The following NODAL variants were observed in gnomAD, a reference collection of about 807,000 sequenced individuals.
The protein encoded by NODAL is nodal growth differentiation factor, also known as nodal homolog.
NODAL carries 12 observed loss-of-function variants against 34.0 expected under a neutral mutation model. The observed-to-expected ratio is 0.35, with a 90% CI of 0.23 to 0.57. NODAL has a LOEUF of 0.57. Among genes scored for constraint, NODAL ranks in the 20% least tolerant of loss-of-function variants. The pLI is 0.83. For missense variants in NODAL, 390 were observed against 444.2 expected (o/e 0.88, Z 1.10); for synonymous variants, 162 against 186.4 (o/e 0.87, Z 1.07).
rs375984933 is a variant in NODAL, at chr10:70,440,090, C to CA, written c.193+1384dup. Among the ~76,000 whole-genome samples the CA allele has an allele frequency of 2.4e-3, 367 of 152,028 alleles. 1 individual carries two copies. Among genetic ancestry groups the CA allele is most frequent in the Non-Finnish European group, 4.5e-3 (309 of 67,942 alleles). On this transcript the variant is annotated intron_variant, in intron 1 of 2. Coordinates refer to ENST00000287139, the MANE Select transcript of NODAL (RefSeq NM_018055.5). ...CTGTTTCAAAGAAAAAACAAACAAA[C>CA]AAAAAAACAGTGTTTAGCTGAAAGA...
upstream of NODAL, among the ~76,000 whole-genome samples, chr10:70,444,342 T>G (rs993054635): frequency 7.2e-5 from 11 of 151,726 alleles, no homozygotes; most frequent in African/African-American, 2.7e-4. Flanking sequence ...TTTTTTTTTT[T>G]TTTTTGAGAC....
At chr10:70,440,791 C>T (rs1347325858) in intron 1 of NODAL, among the ~76,000 whole-genome samples, 3 of 152,214 alleles carry the variant, frequency 2.0e-5, no homozygotes, top group Non-Finnish European at 4.4e-5. Flanking sequence ...TTCCCCGGCG[C>T]GGCTGGAGGA....
chr10:70,440,539 G>C (rs1845414174), intron 1 of NODAL, among the ~76,000 whole-genome samples: 1 of 152,142 alleles, frequency 6.6e-6, no homozygotes, highest in Non-Finnish European at 1.5e-5. Context: ...GCCCCAGGGA[G>C]GGCCGTCTGG....
upstream of NODAL, among the ~76,000 whole-genome samples, chr10:70,445,156 TC>T (rs1207833576): frequency 6.6e-6 from 1 of 152,068 alleles, no homozygotes; most frequent in Non-Finnish European, 1.5e-5. Flanking sequence ...CATGCTCAGC[TC>T]AGCTCAGAGC....
At chr10:70,437,364 C>T (rs1845369620) in intron 1 of NODAL, among the ~76,000 whole-genome samples, 1 of 152,192 alleles carries the variant, frequency 6.6e-6, no homozygotes, top group Non-Finnish European at 1.5e-5. Context: ...TTGCTTGAAC[C>T]CAGGAGGTGG....
At position 70,435,285 on chromosome 10, in the gene NODAL, C is replaced by T. The variant is rs878855044; in HGVS notation, c.891+1G>A. 6.2e-7 allele frequency: 1 copy of T among 1,607,200 alleles called. No individual in the cohort carries two copies. The highest frequency in any genetic ancestry group is 8.5e-7 in the Non-Finnish European group (1 of 1,176,726). On this transcript the variant is annotated splice_donor_variant, in intron 2 of 2. Coordinates refer to ENST00000287139, the MANE Select transcript of NODAL (RefSeq NM_018055.5). LOFTEE classifies it high-confidence loss of function. ...CCTCCCCCTCACGCCTGGCATCCCA[C>T]CTGGATGTATGCATGGTTGGTCGGA...
chr10:70,434,480 A>G (rs1845316487), intron 2 of NODAL, among the ~76,000 whole-genome samples: 1 of 152,194 alleles, frequency 6.6e-6, no homozygotes, highest in African/African-American at 2.4e-5. Flanking sequence ...CTCCTGCCTC[A>G]GCCTCCCGAG....
upstream of NODAL, among the ~76,000 whole-genome samples, chr10:70,442,592 C>T (rs1049171607): frequency 3.9e-5 from 6 of 152,282 alleles, no homozygotes; most frequent in South Asian, 2.1e-4. Context: ...AATGTAAATC[C>T]CTGCCCCAGT....
At chr10:70,437,164 C>T (rs1002519244) in intron 1 of NODAL, among the ~76,000 whole-genome samples, 2 of 152,174 alleles carry the variant, frequency 1.3e-5, no homozygotes, top group East Asian at 1.9e-4. Context: ...ATAGTGATGC[C>T]GGGCGCGGTG....
chr10:70,435,264 C>A (rs1307064809), intron 2 of NODAL, 22 bp downstream of exon 2: 1 of 1,585,936 alleles, frequency 6.3e-7, no homozygotes, highest in Non-Finnish European at 8.6e-7. Context: ...GCCTCCCCTC[C>A]CCCTCACGCC....
chr10:70,443,293 T>C (rs1287624862), upstream of NODAL, among the ~76,000 whole-genome samples: 3 of 152,232 alleles, frequency 2.0e-5, no homozygotes, highest in Admixed American at 6.5e-5. Context: ...ACATGAGCCC[T>C]GGACAGTCTG....
chr10:70,436,208 T>C (rs1276296272), intron 1 of NODAL: 2 of 580,052 alleles, frequency 3.4e-6, no homozygotes, highest in African/African-American at 3.7e-5. Context: ...GTGTCATTCT[T>C]GGAAGGTGGC....
At position 70,435,542 on chromosome 10, in the gene NODAL, A is replaced by C. The variant is rs1385821725; in HGVS notation, c.635T>G (p.Leu212Trp). 11 of 1,614,072 alleles carry C rather than the reference A, an allele frequency of 6.8e-6. No homozygotes were observed. The South Asian group carries it at 1.1e-4, about 16-fold the overall frequency. ...QEQRQLGGST[L>W]LWEAESSWRA... ...CCAGGAGCTCTCGGCTTCCCACAGC[A>C]AGGTGGACCCACCCAGCTGCCTCTG... Residue 212 changes from leucine (L) to tryptophan (W), a missense_variant, in exon 2 of 3, where the codon TTG becomes TGG. Leu to Trp is a moderately conservative substitution (Grantham distance 61). Coordinates refer to ENST00000287139, the MANE Select transcript of NODAL (RefSeq NM_018055.5).
At chr10:70,440,461 G>C (rs976668755) in intron 1 of NODAL, among the ~76,000 whole-genome samples, 2 of 152,146 alleles carry the variant, frequency 1.3e-5, no homozygotes, top group Non-Finnish European at 2.9e-5. Context: ...AAGGGCCCCC[G>C]GCACCAGGTC....
At chr10:70,441,733 C>T, upstream of NODAL, 4 of 1,489,024 alleles carry the variant, frequency 2.7e-6, no homozygotes, top group Non-Finnish European at 2.7e-6. Context: ...GCAGCCGCCC[C>T]GCCCCCACCT....
rs953356625 is a variant in NODAL at position 70,432,717 on chromosome 10, GCTT to G, written c.*216_*218del. On this transcript the variant is annotated 3_prime_UTR_variant, in exon 3 of 3. Coordinates refer to ENST00000287139, the MANE Select transcript of NODAL (RefSeq NM_018055.5). ...AACATCCAGCCAGCCCCCTGCACAGGCTTCTTCCTCCCTCTTCCTGACAGCAGC... is the reference window on the plus strand; with the variant it reads ...AACATCCAGCCAGCCCCCTGCACAGGCTTCCTCCCTCTTCCTGACAGCAGC... 15 of 602,076 alleles carry G rather than the reference GCTT, an allele frequency of 2.5e-5. No homozygotes were observed. The highest frequency in any genetic ancestry group is 3.9e-5 in the Non-Finnish European group (13 of 335,994). 37.3% of individuals were successfully genotyped at this position (602,076 alleles called of 1,614,324 possible).
chr10:70,441,376 C>T (rs141231768), intron 1 of NODAL, 99 bp downstream of exon 1: 26 of 1,373,670 alleles, frequency 1.9e-5, no homozygotes, highest in Admixed American at 1.6e-4. Flanking sequence ...GGCTCGGAGC[C>T]GCAGCCCCCA....
upstream of NODAL, among the ~76,000 whole-genome samples, chr10:70,443,771 G>A (rs1845457837): frequency 6.6e-6 from 1 of 151,960 alleles, no homozygotes; most frequent in Admixed American, 6.5e-5. Context: ...CCCAGGAGGC[G>A]GAGGTTGCAG....
chr10:70,443,264 G>A (rs1276036994), upstream of NODAL, among the ~76,000 whole-genome samples: 2 of 152,194 alleles, frequency 1.3e-5, no homozygotes, highest in African/African-American at 4.8e-5. Context: ...TAAGATTCAG[G>A]AGACCTGGGC....
Sources: gnomAD v4.1 joint callset for allele counts (sites outside exome capture counted in the v4.1 genomes callset) on GRCh38, gnomAD v4.1.1 for gene constraint, MANE v1.5 for transcripts, NCBI Gene and HGNC (gene_info 2026-07-23, HGNC 2026-07-21) for gene names.